NWD1: variants seen among roughly 807,000 people sequenced by gnomAD.
NWD1 encodes NACHT and WD repeat domain containing 1, also known as NACHT domain- and WD repeat-containing protein 1.
A neutral mutation model predicts 135.1 loss-of-function variants in NWD1; 129 were observed. The observed-to-expected ratio is 0.96, with a 90% CI of 0.83 to 1.11. NWD1 has a LOEUF of 1.11. NWD1 is among the 50% of genes least tolerant of loss of function. The probability of loss-of-function intolerance (pLI) is 0.00; values close to 1 mark genes in which losing one functional copy is unlikely to be tolerated. For missense variants in NWD1, 1,740 were observed against 1,851.3 expected (o/e 0.94, Z 1.10); for synonymous variants, 773 against 786.0 (o/e 0.98, Z 0.28).
chr19:16,778,500 T>TCTTCTTCTTCTTCTTCTTCTTC (rs1568373636), intron 11 of NWD1, among the ~76,000 whole-genome samples: 1 of 140,646 alleles, frequency 7.1e-6, no homozygotes, highest in African/African-American at 3.1e-5. Flanking sequence ...TCTTCTTTTT[T>TCTTCTTCTTCTTCTTCTTCTTC]TTTTTTTTGT....
At chr19:16,787,442 G>A (rs908996101) in intron 12 of NWD1, among the ~76,000 whole-genome samples, 4 of 152,056 alleles carry the variant, frequency 2.6e-5, no homozygotes, top group African/African-American at 7.3e-5. Context: ...TCAACATCTG[G>A]GGCAACTGAT....
At chr19:16,759,127 C>T (rs892976096) in intron 6 of NWD1, 98 bp from the exon 7 acceptor site, 12 of 957,436 alleles carry the variant, frequency 1.3e-5, no homozygotes, top group Admixed American at 1.2e-4. Context: ...TGCTGGACAC[C>T]GCGCGGGTGG....
At chr19:16,763,784 A>G (rs373838164) in intron 8 of NWD1, 44 bp from the exon 9 acceptor site, 2 of 1,216,058 alleles carry the variant, frequency 1.6e-6, no homozygotes, top group Non-Finnish European at 2.4e-6. Context: ...GGAGTGAATG[A>G]ATGGGTTTGT....
intron 2 of NWD1, chr19:16,727,779 A>G (rs557561275): frequency 9.6e-4 from 147 of 152,632 alleles, no homozygotes; most frequent in Middle Eastern, 3.4e-3. Flanking sequence ...CCTAGACGTG[A>G]ACCAAGTACT....
intron 7 of NWD1, 100 bp from the exon 8 acceptor site, chr19:16,761,879 G>C (rs1969026589): frequency 9.5e-6 from 9 of 944,402 alleles, no homozygotes; most frequent in Non-Finnish European, 1.5e-5. Context: ...GAGTGGTTTA[G>C]GATGGCTTGG....
At chr19:16,741,667 C>T (rs1968090308) in intron 4 of NWD1, among the ~76,000 whole-genome samples, 1 of 152,032 alleles carries the variant, frequency 6.6e-6, no homozygotes, top group Admixed American at 6.6e-5. Flanking sequence ...CCATGCCTGG[C>T]TCTTTTCATG....
At chr19:16,755,451 C>A (rs945740451) in intron 6 of NWD1, among the ~76,000 whole-genome samples, 2 of 152,106 alleles carry the variant, frequency 1.3e-5, no homozygotes, top group African/African-American at 4.8e-5. Flanking sequence ...TGCAGTGGTG[C>A]AATCTCAGCT....
chr19:16,798,585 T>G (rs1230953937), intron 16 of NWD1, among the ~76,000 whole-genome samples: 1 of 152,150 alleles, frequency 6.6e-6, no homozygotes, highest in East Asian at 1.9e-4. Context: ...CACTTCAGCC[T>G]GGGTGACAAA....
chr19:16,756,515 T>C (rs1455232425), intron 6 of NWD1, among the ~76,000 whole-genome samples: 1 of 152,214 alleles, frequency 6.6e-6, no homozygotes, highest in Admixed American at 6.5e-5. Flanking sequence ...TTTATATCTA[T>C]TTATCTATCA....
chr19:16,786,366 A>C (rs1313816997), intron 12 of NWD1, among the ~76,000 whole-genome samples: 1 of 151,896 alleles, frequency 6.6e-6, no homozygotes, highest in Non-Finnish European at 1.5e-5. Flanking sequence ...TCAATTTCAC[A>C]GGGTACATGT....
intron 4 of NWD1, among the ~76,000 whole-genome samples, chr19:16,740,050 G>T (rs868834472): frequency 1.3e-5 from 2 of 151,806 alleles, no homozygotes; most frequent in African/African-American, 4.8e-5. Context: ...TAATCCCAGC[G>T]CTTTGAGAGG....
chr19:16,729,959 C>T (rs545853781), intron 2 of NWD1, among the ~76,000 whole-genome samples: 2 of 152,020 alleles, frequency 1.3e-5, no homozygotes, highest in South Asian at 2.1e-4. Context: ...AAGATTTGTC[C>T]CTGTTATTCT....
At chr19:16,792,283 G>A (rs1195663323) in intron 14 of NWD1, among the ~76,000 whole-genome samples, 1 of 152,082 alleles carries the variant, frequency 6.6e-6, no homozygotes, top group Non-Finnish European at 1.5e-5. Flanking sequence ...TCTCACTCCT[G>A]TAATCCCAGC....
Position 16,762,047 on chromosome 19 carries a change from T to C in NWD1, c.2042T>C (p.Leu681Pro), listed in dbSNP as rs890827581. 3 of 1,614,136 alleles carry C rather than the reference T, an allele frequency of 1.9e-6. No individual in the cohort carries two copies. The highest frequency in any genetic ancestry group is 2.5e-6 in the Non-Finnish European group (3 of 1,180,014). ...GAGAGAGCCAAGAGGCATGGCGTCC[T>C]GGCCGACTTCTTCTCAGGGACCTGG... ...GSERAKRHGV[L>P]ADFFSGTWSQ... The change falls in exon 8 of 19, where the codon CTG becomes CCG. Residue 681 changes from leucine to proline, a missense_variant. Transcript: ENST00000524140.
At chr19:16,774,811 C>T (rs548065403) in intron 11 of NWD1, among the ~76,000 whole-genome samples, 3 of 151,946 alleles carry the variant, frequency 2.0e-5, no homozygotes, top group Non-Finnish European at 4.4e-5. Flanking sequence ...ACCCACTTAT[C>T]CTTCCATTTT....
In NWD1 at chr19:16,773,255, T is replaced by TG; in HGVS notation, c.2541dup (p.Pro848AlafsTer111). The TG allele has an allele frequency of 6.2e-7, 1 of 1,613,596 alleles. No individual in the cohort carries two copies. Among genetic ancestry groups the TG allele is most frequent in the Non-Finnish European group, 8.5e-7 (1 of 1,179,998 alleles). Reference sequence around the variant, plus strand: ...CAGTTGTGCGCACACCCTGTGCTGGTGCCCCTCGGAGGATTCCTCCAGCCC... The same window carrying TG: ...CAGTTGTGCGCACACCCTGTGCTGGTGGCCCCTCGGAGGATTCCTCCAGCCC... On this transcript the variant is annotated frameshift_variant, in exon 11 of 19. Transcript: ENST00000524140. LOFTEE classifies it high-confidence loss of function.
chr19:16,731,749 T>C (rs1435085297), intron 3 of NWD1, among the ~76,000 whole-genome samples: 2 of 150,998 alleles, frequency 1.3e-5, no homozygotes, highest in Non-Finnish European at 3.0e-5. Flanking sequence ...GGATTACAGG[T>C]GCCCGCCACC....
At chr19:16,761,759 A>G (rs1297828818) in intron 7 of NWD1, among the ~76,000 whole-genome samples, 4 of 152,130 alleles carry the variant, frequency 2.6e-5, no homozygotes, top group African/African-American at 7.2e-5. Flanking sequence ...AGGAGCTCAA[A>G]TGTTCCTCTT....
chr19:16,760,875 C>T (rs2122878866), intron 7 of NWD1, among the ~76,000 whole-genome samples: 1 of 152,282 alleles, frequency 6.6e-6, no homozygotes, highest in East Asian at 1.9e-4. Context: ...CAGGCGTGAG[C>T]CACTGTGCCC....
Sources: allele counts gnomAD v4.1 joint callset (sites outside exome capture counted in the v4.1 genomes callset), GRCh38; gene constraint gnomAD v4.1.1; transcripts MANE v1.5; gene names NCBI Gene and HGNC (gene_info 2026-07-23, HGNC 2026-07-21).